Variants in SEPTIN4 observed in about 807,000 individuals in gnomAD.
The protein encoded by SEPTIN4 is septin-4.
In SEPTIN4, 52 loss-of-function variants were observed where a neutral mutation model predicts 107.1. That is an observed-to-expected ratio of 0.49 (90% CI 0.39 to 0.61). SEPTIN4 has a LOEUF of 0.61. SEPTIN4 is among the 20% of genes least tolerant of loss of function. The pLI, the probability that SEPTIN4 is intolerant of heterozygous loss-of-function variation, is 0.00. For missense variants in SEPTIN4, 1,048 were observed against 1,243.5 expected (o/e 0.84, Z 2.36); for synonymous variants, 417 against 467.0 (o/e 0.89, Z 1.38).
At chr17:58,531,991 G>T in intron 3 of SEPTIN4, 1 of 1,142,976 alleles carries the variant, frequency 8.7e-7, no homozygotes, top group Non-Finnish European at 1.1e-6. Flanking sequence ...GGCCGGCTCC[G>T]CCTGGACAGC....
chr17:58,544,033 T>A lies in SEPTIN4; in HGVS notation c.154A>T (p.Arg52Ter). The change falls in exon 1 of 14, where the codon AGA (arginine) becomes TGA (stop). Residue 52 changes from arginine to a stop codon, truncating the protein, a stop_gained. Coordinates refer to ENST00000672673, the MANE Select transcript of SEPTIN4 (RefSeq NM_001368771.2). LOFTEE classifies it high-confidence loss of function. Reference sequence around the variant, plus strand: ...GTGGTGGGATGTGCAGCTTCTGATCTTCGGTGGGAAGGGTTCAGGGAGACT... The same window carrying A: ...GTGGTGGGATGTGCAGCTTCTGATCATCGGTGGGAAGGGTTCAGGGAGACT... The part of the protein sequence containing the change: ...AAVSLNPSHR[R>*]SEAAHPTTPH... 1 of 1,614,096 alleles carries A rather than the reference T, an allele frequency of 6.2e-7. No homozygotes were observed. The highest frequency in any genetic ancestry group is 1.1e-5 in the South Asian group (1 of 91,080).
chr17:58,539,213 A>G (rs1052468531), intron 3 of SEPTIN4: 3 of 1,514,284 alleles, frequency 2.0e-6, no homozygotes, highest in Non-Finnish European at 2.6e-6. Context: ...GGAGAGCTGT[A>G]ATTATCGAGA....
chr17:58,530,390 G>A (rs1258841540), intron 3 of SEPTIN4: 1 of 152,284 alleles, frequency 6.6e-6, no homozygotes, highest in African/African-American at 2.4e-5. Context: ...GCATAGCTGG[G>A]TTGGGGGGGT....
intron 3 of SEPTIN4, chr17:58,529,423 C>T: frequency 7.2e-7 from 1 of 1,393,240 alleles, no homozygotes; most frequent in Non-Finnish European, 9.3e-7. Flanking sequence ...AGCTCAGCTG[C>T]AGCAGGATCA....
chr17:58,527,280 T>G, intron 3 of SEPTIN4: 1 of 562,630 alleles, frequency 1.8e-6, no homozygotes, highest in Non-Finnish European at 3.2e-6. Context: ...CTGGTCTCCT[T>G]CTCAGCAGCA....
rs2042206866 is a variant in SEPTIN4, at chr17:58,520,990, G to C, written c.2831+8C>G. 3 of 1,613,834 alleles carry C rather than the reference G, an allele frequency of 1.9e-6. No homozygotes were observed. Among genetic ancestry groups the C allele is most frequent in the Middle Eastern group, 1.7e-4 (1 of 5,854 alleles). ...CCCTGCCAGCTTTGTCCTGGCTTCTGGTCATACTTGCGATTCCGTTCCTTC... is the reference window on the plus strand; with the variant it reads ...CCCTGCCAGCTTTGTCCTGGCTTCTCGTCATACTTGCGATTCCGTTCCTTC... On this transcript the variant is annotated splice_region_variant and intron_variant, in intron 12 of 13. Transcript: ENST00000672673.
At chr17:58,534,118 G>GC (rs2043630804) in intron 3 of SEPTIN4, among the ~76,000 whole-genome samples, 1 of 152,174 alleles carries the variant, frequency 6.6e-6, no homozygotes, top group African/African-American at 2.4e-5. Flanking sequence ...GAGGCCCCAA[G>GC]CAAGTCCTGG....
chr17:58,527,532 G>A (rs1306813441), intron 3 of SEPTIN4: 1 of 235,798 alleles, frequency 4.2e-6, no homozygotes, highest in East Asian at 1.1e-4. Flanking sequence ...TGAGCTGGGG[G>A]ACTGGGGTAC....
rs760197750 is a variant in SEPTIN4, at chr17:58,527,005, G to T, written c.1615-27C>A. On this transcript the variant is annotated intron_variant, in intron 3 of 13. Transcript: ENST00000672673. ...TGGGGGAAGCGGGGTGGGTAGAATAGATGGGTGGTGCCGGGAAGGGAGCCG... is the reference window on the plus strand; with the variant it reads ...TGGGGGAAGCGGGGTGGGTAGAATATATGGGTGGTGCCGGGAAGGGAGCCG... 6 of 1,613,706 alleles carry T rather than the reference G, an allele frequency of 3.7e-6. No individual in the cohort carries two copies. The African/African-American group carries it at 8.0e-5, about 22-fold the overall frequency.
intron 3 of SEPTIN4, among the ~76,000 whole-genome samples, chr17:58,533,896 C>T (rs566958687): frequency 6.6e-6 from 1 of 152,316 alleles, no homozygotes; most frequent in Non-Finnish European, 1.5e-5. Context: ...AGAAAGCCTA[C>T]ATCAGGGAAG....
chr17:58,529,317 C>A, intron 3 of SEPTIN4: 1 of 1,526,238 alleles, frequency 6.6e-7, no homozygotes, highest in Non-Finnish European at 8.8e-7. Context: ...TCTCTTTGAC[C>A]CCCTTCTGTC....
At chr17:58,527,144 T>C (rs2042999943) in intron 3 of SEPTIN4, 166 bp from the exon 4 acceptor site, 1 of 1,162,506 alleles carries the variant, frequency 8.6e-7, no homozygotes, top group Non-Finnish European at 1.3e-6. Flanking sequence ...GTGCTCACCA[T>C]CCCTCCCTCA....
Position 58,525,169 on chromosome 17 carries a change from G to T in SEPTIN4, c.2125C>A (p.His709Asn). 6.2e-7 allele frequency: 1 copy of T among 1,614,152 alleles called. No homozygotes were observed. The highest frequency in any genetic ancestry group is 8.5e-7 in the Non-Finnish European group (1 of 1,180,032). ...CCCTTCTCTTCTATGTCCACTGCAT[G>T]CTTAGTGATCTCCACAGTTTGCATG... ...RIMQTVEITK[H>N]AVDIEEKGVR... The change falls in exon 7 of 14, where the codon CAT (histidine) becomes AAT (asparagine). Residue 709 changes from histidine to asparagine, a missense_variant. By Grantham distance (68) the His-to-Asn change is moderately conservative. Coordinates refer to ENST00000672673, the MANE Select transcript of SEPTIN4 (RefSeq NM_001368771.2).
At chr17:58,525,255 G>T in intron 6 of SEPTIN4, 54 bp from the exon 7 acceptor site, 1 of 1,600,610 alleles carries the variant, frequency 6.2e-7, no homozygotes, top group Non-Finnish European at 8.5e-7. Context: ...GCCCAGTCAG[G>T]ATGAACCGCC....
chr17:58,542,132 T>C (rs1052344042), intron 1 of SEPTIN4, among the ~76,000 whole-genome samples, 166 bp from the exon 2 acceptor site: 7 of 152,142 alleles, frequency 4.6e-5, no homozygotes, highest in Admixed American at 3.9e-4. Flanking sequence ...ATATATCGTA[T>C]TCCCACTCTC....
intron 3 of SEPTIN4, among the ~76,000 whole-genome samples, chr17:58,536,118 T>C (rs2043702128): frequency 1.3e-5 from 2 of 152,222 alleles, no homozygotes; most frequent in African/African-American, 4.8e-5. Flanking sequence ...GAAGAAGGGT[T>C]TCTATACCAT....
intron 3 of SEPTIN4, among the ~76,000 whole-genome samples, chr17:58,533,227 G>A (rs1225126148): frequency 3.3e-5 from 5 of 152,144 alleles, no homozygotes; most frequent in Non-Finnish European, 7.3e-5. Context: ...GCTGCTACTG[G>A]AGATGTTATT....
At chr17:58,534,796 C>A (rs1409173099) in intron 3 of SEPTIN4, among the ~76,000 whole-genome samples, 1 of 152,172 alleles carries the variant, frequency 6.6e-6, no homozygotes, top group Non-Finnish European at 1.5e-5. Flanking sequence ...ATGTCCTGGC[C>A]CCCTCCACTA....
At position 58,522,078 on chromosome 17, in the gene SEPTIN4, A is replaced by G; in HGVS notation, c.2240T>C (p.Ile747Thr). The change falls in exon 8 of 14, where the codon ATT becomes ACT. Residue 747 changes from isoleucine (I) to threonine (T), a missense_variant. Around this residue, in one of 2 missense-constraint regions of SEPTIN4, gnomAD observed 261 missense variants for 371.7 expected, o/e 0.70. Transcript: ENST00000672673. ...GAAATACTGCTCAAACTGCTGATCA[A>G]TGTATTCTGCCACAGGCTTCCAGCT... ...TECWKPVAEY[I>T]DQQFEQYFRD... 6.2e-7 allele frequency: 1 copy of G among 1,614,188 alleles called. No homozygotes were observed. The highest frequency in any genetic ancestry group is 8.5e-7 in the Non-Finnish European group (1 of 1,180,034).
Sources: gnomAD v4.1 joint callset for allele counts (sites outside exome capture counted in the v4.1 genomes callset) on GRCh38, gnomAD v4.1.1 for gene constraint, gnomAD v4.1.1 regional missense constraint, MANE v1.5 for transcripts, NCBI Gene and HGNC (gene_info 2026-07-23, HGNC 2026-07-21) for gene names.